FOXO3B: variants seen among roughly 807,000 people sequenced by gnomAD.
The protein encoded by FOXO3B is forkhead box protein O3B.
A neutral mutation model predicts 21.9 loss-of-function variants in FOXO3B; 15 were observed. The ratio of observed to expected loss-of-function variants is 0.68; its 90% confidence interval spans 0.46 to 1.05. FOXO3B has a LOEUF of 1.05. Among genes scored for constraint, FOXO3B ranks in the 50% least tolerant of loss-of-function variants. The probability of loss-of-function intolerance (pLI) is 0.00; values close to 1 mark genes in which losing one functional copy is unlikely to be tolerated. For synonymous variants in FOXO3B, 135 were observed against 213.6 expected (o/e 0.63, Z 3.21); for missense variants, 293 against 435.5 (o/e 0.67, Z 2.91).
intron 3 of FOXO3B, among the ~76,000 whole-genome samples, chr17:18,680,147 G>A (rs1017761920): frequency 7.9e-5 from 12 of 152,112 alleles, no homozygotes. Flanking sequence ...CCAAACATTC[G>A]TAATATTTGT....
chr17:18,673,408 G>A (rs9902852), intron 3 of FOXO3B, among the ~76,000 whole-genome samples: 70,660 of 151,920 alleles, frequency 0.47, 16,968 homozygotes, highest in Middle Eastern at 0.54. Flanking sequence ...CACCACATCC[G>A]GCCAATTATT....
chr17:18,677,697 C>A (rs1468889185), intron 3 of FOXO3B: 21 of 1,601,672 alleles, frequency 1.3e-5, no homozygotes, highest in Non-Finnish European at 1.7e-5. Flanking sequence ...TGCTGGCGAG[C>A]GCGATAAGAA....
chr17:18,677,771 C>T (rs2032519589), intron 3 of FOXO3B: 2 of 1,463,354 alleles, frequency 1.4e-6, no homozygotes, highest in African/African-American at 2.9e-5. Context: ...GGGCTCTCTT[C>T]CTCCTTCCAC....
chr17:18,676,310 ATTC>A (rs2032480834), intron 3 of FOXO3B, among the ~76,000 whole-genome samples: 2 of 152,298 alleles, frequency 1.3e-5, no homozygotes, highest in South Asian at 4.1e-4. Flanking sequence ...AGACCTACTA[ATTC>A]TTCTTCCAGT....
chr17:18,677,421 C>T (rs931924512), intron 3 of FOXO3B: 1 of 1,614,026 alleles, frequency 6.2e-7, no homozygotes, highest in Non-Finnish European at 8.5e-7. Flanking sequence ...GGGCATCCGA[C>T]ACGTACTGCT....
intron 3 of FOXO3B, among the ~76,000 whole-genome samples, chr17:18,674,363 C>T (rs555411209): frequency 6.0e-4 from 91 of 151,160 alleles, no homozygotes; most frequent in Non-Finnish European, 9.9e-4. Flanking sequence ...CAGTGGCTCA[C>T]GCCTGTAATC....
chr17:18,677,911 C>CAAGAAAAAA (rs2032522829), intron 3 of FOXO3B, among the ~76,000 whole-genome samples: 1 of 92,702 alleles, frequency 1.1e-5, no homozygotes, highest in African/African-American at 4.1e-5. Context: ...GTTGGAAAAG[C>CAAGAAAAAA]AAAAAAAAAA....
At chr17:18,678,302 A>G (rs1237817956) in intron 3 of FOXO3B, among the ~76,000 whole-genome samples, 3 of 152,246 alleles carry the variant, frequency 2.0e-5, no homozygotes, top group Admixed American at 1.3e-4. Context: ...TAGGCCATCA[A>G]AACAAAATAT....
At chr17:18,682,048 G>C (rs2032596515) in intron 1 of FOXO3B, 156 bp downstream of exon 1, 6 of 599,824 alleles carry the variant, frequency 1.0e-5, no homozygotes, top group Non-Finnish European at 1.8e-5. Flanking sequence ...CCCCCGAGGA[G>C]AGGATCAGGC....
At chr17:18,677,741 G>A in intron 3 of FOXO3B, 1 of 1,557,374 alleles carries the variant, frequency 6.4e-7, no homozygotes, top group South Asian at 1.1e-5. Context: ...ACAAGAAGCG[G>A]GCGCTACGGC....
In FOXO3B at chr17:18,667,746, G is replaced by A. The variant is rs1451374771; in HGVS notation, c.*4563C>T. 1 of 151,810 alleles carries A rather than the reference G, an allele frequency of 6.6e-6. No homozygotes were observed. Among genetic ancestry groups the A allele is most frequent in the African/African-American group, 2.4e-5 (1 of 40,828 alleles). The allele number at this position is 151,810 out of a possible 1,614,324, so 9.4% of individuals were successfully genotyped here. A position where few individuals can be genotyped will look rare whatever the true frequency, so the allele number is the denominator to read the frequency against. On this transcript the variant is annotated 3_prime_UTR_variant, in exon 4 of 4. Transcript: ENST00000395675. ...CTTTGGTAACAGGTATCAGGTTCTG[G>A]AGCCCTGGAGAGAACAGCAGATCCC...
In FOXO3B at chr17:18,667,650, G is replaced by A. The variant is rs868426418; in HGVS notation, c.*4659C>T. 7.9e-5 allele frequency: 12 copies of A among 151,976 alleles called. No homozygotes were observed. Among genetic ancestry groups the A allele is most frequent in the African/African-American group, 2.9e-4 (12 of 40,802 alleles). The allele number at this position is 151,976 out of a possible 1,614,324, so 9.4% of individuals were successfully genotyped here. A position where few individuals can be genotyped will look rare whatever the true frequency, so the allele number is the denominator to read the frequency against. ...AAGCTCAGATTCATTCACATTTAAT[G>A]GGGTACACTGAGCCTGGCAGCCAGT... On this transcript the variant is annotated 3_prime_UTR_variant, in exon 4 of 4. Transcript: ENST00000395675.
intron 3 of FOXO3B, 44 bp downstream of exon 3, chr17:18,680,697 C>T: frequency 6.2e-7 from 1 of 1,601,604 alleles, no homozygotes; most frequent in Non-Finnish European, 8.5e-7. Context: ...CATCTGTACT[C>T]TAAGAAACAA....
At chr17:18,673,744 T>C (rs547705124) in intron 3 of FOXO3B, among the ~76,000 whole-genome samples, 4 of 151,944 alleles carry the variant, frequency 2.6e-5, no homozygotes, top group Admixed American at 2.6e-4. Flanking sequence ...AAGACGAGAT[T>C]TGATTATGAA....
intron 3 of FOXO3B, among the ~76,000 whole-genome samples, chr17:18,674,660 CAA>C (rs2032451343): frequency 6.9e-6 from 1 of 144,924 alleles, no homozygotes; most frequent in Non-Finnish European, 1.5e-5. Context: ...AGATTACAGA[CAA>C]ATGCAAATTT....
chr17:18,675,251 G>A (rs1567890942), intron 3 of FOXO3B, among the ~76,000 whole-genome samples: 1 of 151,648 alleles, frequency 6.6e-6, no homozygotes, highest in Admixed American at 6.6e-5. Flanking sequence ...ATTTTAAGCA[G>A]CACTGAAAAG....
rs984679782 is a variant in FOXO3B at position 18,672,973 on chromosome 17, C to G, written c.209G>C (p.Arg70Pro). 5.4e-6 allele frequency: 8 copies of G among 1,488,032 alleles called. No individual in the cohort carries two copies. Among genetic ancestry groups the G allele is most frequent in the African/African-American group, 1.5e-5 (1 of 68,148 alleles). 92.2% of individuals were successfully genotyped at this position (1,488,032 alleles called of 1,614,324 possible). A position where few individuals can be genotyped will look rare whatever the true frequency, so the allele number is the denominator to read the frequency against. The change falls in exon 4 of 4, where the codon CGA becomes CCA. Residue 70 changes from arginine to proline, a missense_variant. By Grantham distance (103) the Arg-to-Pro change is moderately radical. Around this residue, in one of 2 missense-constraint regions of FOXO3B, gnomAD observed 251 missense variants for 404.0 expected, o/e 0.62. Transcript: ENST00000395675. The surrounding 1 kb of genome is among the most constrained non-coding windows in gnomAD (Gnocchi z 4.2). Reference sequence around the variant, plus strand: ...GGCTGGGGTTCTCGCGCTCTCCTCTCGCGCCGGGGCGGGGTGCAGCGGGGG... The same window carrying G: ...GGCTGGGGTTCTCGCGCTCTCCTCTGGCGCCGGGGCGGGGTGCAGCGGGGG... The part of the protein sequence containing the change: ...VPPPLHPAPA[R>P]EESARTPAAA...
At chr17:18,674,980 C>T (rs186431985) in intron 3 of FOXO3B, among the ~76,000 whole-genome samples, 268 of 152,286 alleles carry the variant, frequency 1.8e-3, no homozygotes, top group Middle Eastern at 0.014. Flanking sequence ...CCAGTTTCCA[C>T]TTTGCTTGCT....
chr17:18,673,196 T>C lies in FOXO3B; in HGVS notation c.127-141A>G, dbSNP rs2032414195. On this transcript the variant is annotated intron_variant, in intron 3 of 3. Transcript: ENST00000395675. ...AGGAACAGGAGACCATACTTCTTAA[T>C]AACACTTTTTGTTTAAAGAAAATAA... 9.2e-6 allele frequency: 11 copies of C among 1,197,328 alleles called. No individual in the cohort carries two copies. In the East Asian group the frequency reaches 4.4e-4, roughly 48 times the overall value. The allele number at this position is 1,197,328 out of a possible 1,614,324, so 74.2% of individuals were successfully genotyped here.
Sources: allele counts gnomAD v4.1 joint callset (sites outside exome capture counted in the v4.1 genomes callset), GRCh38; gene constraint gnomAD v4.1.1; regional missense constraint gnomAD v4.1.1; non-coding constraint Gnocchi (gnomAD v3.1); transcripts MANE v1.5; gene names NCBI Gene and HGNC (gene_info 2026-07-23, HGNC 2026-07-21).